The following PPP4R1 variants were observed in gnomAD, a reference collection of about 807,000 sequenced individuals.
PPP4R1 encodes the protein protein phosphatase 4 regulatory subunit 1.
Under a neutral mutation model 111.2 loss-of-function variants are expected in PPP4R1, and 42 were observed. That is an observed-to-expected ratio of 0.38 (90% CI 0.29 to 0.49). The LOEUF (loss-of-function observed/expected upper bound fraction) is 0.49. Ranked by LOEUF, PPP4R1 falls within the 20% of genes least tolerant of loss-of-function variation. The probability of loss-of-function intolerance (pLI) is 0.97; values close to 1 mark genes in which losing one functional copy is unlikely to be tolerated. For synonymous variants in PPP4R1, 409 were observed against 405.5 expected, an observed-to-expected ratio of 1.01 and a Z score of -0.10; for missense variants, 1,012 against 1,161.6, an observed-to-expected ratio of 0.87 and a Z score of 1.87.
At chr18:9,616,265 T>TC (rs2067686907), upstream of PPP4R1, among the ~76,000 whole-genome samples, 1 of 151,222 alleles carries the variant, frequency 6.6e-6, no homozygotes, top group Admixed American at 6.6e-5. Flanking sequence ...TTTTTTTTTT[T>TC]CATTAAAAAG....
At chr18:9,585,802 T>A (rs1485247678) in intron 6 of PPP4R1, among the ~76,000 whole-genome samples, 1 of 152,144 alleles carries the variant, frequency 6.6e-6, no homozygotes, top group East Asian at 1.9e-4. Flanking sequence ...TTTTAAAAAA[T>A]ATGAAATCGA....
chr18:9,606,258 G>A (rs1046722744), intron 2 of PPP4R1, among the ~76,000 whole-genome samples: 3 of 152,158 alleles, frequency 2.0e-5, no homozygotes, highest in Non-Finnish European at 4.4e-5. Flanking sequence ...GCACAGTGAA[G>A]GGGTTGGCCA....
Position 9,614,244 on chromosome 18 carries a change from G to T in PPP4R1, c.34C>A (p.Gln12Lys). The T allele has an allele frequency of 7.4e-7, 1 of 1,360,402 alleles. No homozygotes were observed. Among genetic ancestry groups the T allele is most frequent in the Non-Finnish European group, 9.6e-7 (1 of 1,043,584 alleles). 84.3% of individuals were successfully genotyped at this position (1,360,402 alleles called of 1,614,324 possible). The change falls in exon 2 of 20, where the codon CAG becomes AAG. Residue 12 changes from glutamine to lysine, a missense_variant. Transcript: ENST00000400556. This position sits in a 1 kb window ranked among gnomAD's most constrained non-coding sequence, Gnocchi z 4.1. ...CACTCACATCCGTCTGCGTCCTCCT[G>T]CAGGTCCTCCTGAAGCAGCGAGAGG... ...ADLSLLQEDL[Q>K]EDADGFGVDD...
Position 9,570,301 on chromosome 18 carries a change from C to G in PPP4R1, c.1429G>C (p.Gly477Arg), listed in dbSNP as rs375660754. The change falls in exon 11 of 20, where the codon GGG becomes CGG. Residue 477 changes from glycine to arginine, a missense_variant. By Grantham distance (125) the Gly-to-Arg change is moderately radical. Coordinates refer to ENST00000400556, the MANE Select transcript of PPP4R1 (RefSeq NM_001042388.3). ...GGTCCCTCTGGGCTGGGTTTTCCCCCAGAGTTCTGTTCAAGCTCTATGTCT... is the reference window on the plus strand; with the variant it reads ...GGTCCCTCTGGGCTGGGTTTTCCCCGAGAGTTCTGTTCAAGCTCTATGTCT... The part of the protein sequence containing the change: ...DLDIELEQNS[G>R]GKPSPEGPEE... The G allele has an allele frequency of 6.2e-7, 1 of 1,612,316 alleles. No individual in the cohort carries two copies.
intron 12 of PPP4R1, chr18:9,562,909 G>A: frequency 3.0e-6 from 3 of 988,502 alleles, no homozygotes; most frequent in Non-Finnish European, 3.6e-6. Context: ...ATGATGCTAG[G>A]ATCAGTACCC....
Position 9,554,180 on chromosome 18 carries a change from T to A in PPP4R1, c.2191-758A>T, listed in dbSNP as rs935619436. Reference sequence around the variant, plus strand: ...TCTCACTCTGTGGTCCAGGCTGGAGTGCAGTGGCGGGATCTCGGCTCACTG... The same window carrying A: ...TCTCACTCTGTGGTCCAGGCTGGAGAGCAGTGGCGGGATCTCGGCTCACTG... On this transcript the variant is annotated intron_variant, in intron 15 of 19. Coordinates refer to ENST00000400556, the MANE Select transcript of PPP4R1 (RefSeq NM_001042388.3). Among the ~76,000 whole-genome samples the A allele has an allele frequency of 3.8e-4, 57 of 150,698 alleles. 1 individual carries two copies. The highest frequency in any genetic ancestry group is 1.3e-3 in the African/African-American group (53 of 40,862).
intron 2 of PPP4R1, chr18:9,613,958 GA>G (rs1158151925): frequency 1.2e-5 from 3 of 254,636 alleles, no homozygotes; most frequent in Non-Finnish European, 2.2e-5. Context: ...GCCCGCAGGC[GA>G]TTCGGGGGCG....
intron 2 of PPP4R1, among the ~76,000 whole-genome samples, chr18:9,612,193 G>A (rs2067593248): frequency 6.6e-6 from 1 of 152,090 alleles, no homozygotes; most frequent in Non-Finnish European, 1.5e-5. Flanking sequence ...AAGTGCTTCA[G>A]AGGCACTAAC....
rs1397922815 is a variant in PPP4R1, at chr18:9,593,303, C to CCT, written c.295+463_295+464dup. Among the ~76,000 whole-genome samples, 8 of 152,172 alleles carry CCT rather than the reference C, an allele frequency of 5.3e-5. No individual in the cohort carries two copies. In the East Asian group the frequency reaches 1.2e-3, roughly 22 times the overall value. ...TTTTCTAAGCCTTAAATCAAGTTTA[C>CCT]CTCTTTCTTAAGCAGACTTTCTTAT... is the stretch of plus-strand genomic sequence containing the variant. On this transcript the variant is annotated intron_variant, in intron 4 of 19. Transcript: ENST00000400556.
chr18:9,553,249 A>C, intron 16 of PPP4R1, 73 bp downstream of exon 16: 1 of 1,204,368 alleles, frequency 8.3e-7, no homozygotes, highest in Non-Finnish European at 1.2e-6. Context: ...GTAATGAAGA[A>C]ACTGAGAAAA....
intron 6 of PPP4R1, 106 bp from the exon 7 acceptor site, chr18:9,584,934 G>A: frequency 8.9e-6 from 8 of 898,832 alleles, no homozygotes; most frequent in Non-Finnish European, 1.4e-5. Flanking sequence ...AATATGATAT[G>A]GCATCATTAT....
chr18:9,614,911 C>T (rs2067667313), upstream of PPP4R1: 1 of 151,282 alleles, frequency 6.6e-6, no homozygotes, highest in Non-Finnish European at 1.5e-5. The surrounding 1 kb of genome is among the most constrained non-coding windows in gnomAD (Gnocchi z 4.1). Context: ...CTCCCGCGGC[C>T]CGGCCGCTTT....
intron 2 of PPP4R1, among the ~76,000 whole-genome samples, chr18:9,613,053 T>G (rs1270405669): frequency 6.6e-6 from 1 of 152,062 alleles, no homozygotes; most frequent in Admixed American, 6.5e-5. Flanking sequence ...TTTAAAAGAG[T>G]AATTTCAAAC....
chr18:9,555,762 A>G (rs1026546727), intron 15 of PPP4R1, among the ~76,000 whole-genome samples: 2 of 152,256 alleles, frequency 1.3e-5, no homozygotes, highest in South Asian at 2.1e-4. Context: ...CTAAAGAAAG[A>G]TAACATTTAA....
chr18:9,584,582 T>A lies in PPP4R1; in HGVS notation c.694-2A>T, dbSNP rs768067192. 1 of 1,611,052 alleles carries A rather than the reference T, an allele frequency of 6.2e-7. No homozygotes were observed. The highest frequency in any genetic ancestry group is 8.5e-7 in the Non-Finnish European group (1 of 1,178,976). On this transcript the variant is annotated splice_acceptor_variant, in intron 7 of 19. Transcript: ENST00000400556. LOFTEE classifies it high-confidence loss of function. ...ATCTCCAAAATTGGCAGCACAGACC[T>A]GACAACAAAAGCATCATTGACATTT...
Position 9,584,742 on chromosome 18 carries a change from G to A in PPP4R1, c.672C>T (p.Cys224=). 6.2e-7 allele frequency: 1 copy of A among 1,613,634 alleles called. No individual in the cohort carries two copies. The highest frequency in any genetic ancestry group is 1.1e-5 in the South Asian group (1 of 90,996). Residue 224 remains cysteine, a synonymous_variant, in exon 7 of 20, where the codon TGC becomes TGT. Transcript: ENST00000400556. ...ATACCTTTCGAACGTGAAACATTCT[G>A]CAATCGCAGCACATCTCACAAAACC... ...LPRFCEMCCD[C]RMFHVRKVCA... is the part of the protein sequence containing the mutation.
intron 19 of PPP4R1, among the ~76,000 whole-genome samples, chr18:9,548,631 T>G (rs959827417): frequency 4.6e-5 from 7 of 152,108 alleles, no homozygotes; most frequent in African/African-American, 1.4e-4. Context: ...AAAACTAAGT[T>G]TTAGGTCAGG....
At chr18:9,570,783 A>C (rs2066850207) in intron 10 of PPP4R1, 100 bp from the exon 11 acceptor site, 1 of 1,287,304 alleles carries the variant, frequency 7.8e-7, no homozygotes, top group South Asian at 1.6e-5. Context: ...GACAAGTTAA[A>C]CATTAAAAAT....
At chr18:9,550,224 C>T (rs1242192663) in intron 17 of PPP4R1, 38 bp from the exon 18 acceptor site, 3 of 1,614,030 alleles carry the variant, frequency 1.9e-6, no homozygotes, top group East Asian at 2.2e-5. Context: ...GAACAGCTTC[C>T]ATTCTAGGAT....
Sources: allele counts gnomAD v4.1 joint callset (sites outside exome capture counted in the v4.1 genomes callset), GRCh38; gene constraint gnomAD v4.1.1; non-coding constraint Gnocchi (gnomAD v3.1); transcripts MANE v1.5; gene names NCBI Gene and HGNC (gene_info 2026-07-23, HGNC 2026-07-21).